Variants in PTK2 observed in about 807,000 individuals in gnomAD.
The protein encoded by PTK2 is focal adhesion kinase 1.
PTK2 carries 45 observed loss-of-function variants against 150.1 expected under a neutral mutation model. The observed-to-expected ratio is 0.30, with a 90% CI of 0.24 to 0.38. The LOEUF (loss-of-function observed/expected upper bound fraction) is 0.38. Among genes scored for constraint, PTK2 ranks in the 10% least tolerant of loss-of-function variants. The pLI is 1.00. For missense variants in PTK2, 919 were observed against 1,307.3 expected (o/e 0.70, Z 4.58); for synonymous variants, 432 against 449.2 (o/e 0.96, Z 0.48).
chr8:140,806,072 T>C (rs983428017), intron 10 of PTK2, among the ~76,000 whole-genome samples: 2 of 152,190 alleles, frequency 1.3e-5, no homozygotes, highest in African/African-American at 4.8e-5. Context: ...ACATGAAGCA[T>C]GGGTAATTCC....
rs372029723 is a variant in PTK2 at position 140,833,358 on chromosome 8, C to T, written c.594-2832G>A. Reference sequence around the variant, plus strand: ...CAAGGTCATGGTAAAAATTCTGCAACGCTGCCTTTAACACATTTTAATTTA... The same window carrying T: ...CAAGGTCATGGTAAAAATTCTGCAATGCTGCCTTTAACACATTTTAATTTA... On this transcript the variant is annotated intron_variant, in intron 7 of 31. Coordinates refer to ENST00000522684, the Ensembl canonical transcript of PTK2. Among the ~76,000 whole-genome samples the T allele has an allele frequency of 3.5e-4, 54 of 152,276 alleles. No individual in the cohort carries two copies. In the South Asian group the frequency reaches 9.3e-3, roughly 26 times the overall value.
At chr8:140,943,052 G>A (rs1275710424) in intron 1 of PTK2, among the ~76,000 whole-genome samples, 2 of 152,062 alleles carry the variant, frequency 1.3e-5, no homozygotes, top group South Asian at 2.1e-4. Context: ...CCTGGAAGCC[G>A]GTGCCATGTT....
chr8:140,738,290 T>G (rs575060803), intron 21 of PTK2, among the ~76,000 whole-genome samples: 1 of 152,298 alleles, frequency 6.6e-6, no homozygotes, highest in South Asian at 2.1e-4. Context: ...GATAAGGTAT[T>G]CTGGGTAGAA....
At chr8:140,854,922 T>C (rs1204478948) in intron 5 of PTK2, among the ~76,000 whole-genome samples, 1 of 152,202 alleles carries the variant, frequency 6.6e-6, no homozygotes, top group Non-Finnish European at 1.5e-5. Context: ...GGGGTGGTGG[T>C]AGAAATAATT....
exon 29 of PTK2, chr8:140,674,308 T>C: frequency 6.2e-7 from 1 of 1,604,824 alleles, no homozygotes; most frequent in South Asian, 1.1e-5. Context: ...CTTGACACCC[T>C]CGTTGTAGCT....
intron 17 of PTK2, 126 bp downstream of exon 20, chr8:140,752,106 G>A (rs1395354976): frequency 1.2e-6 from 1 of 826,332 alleles, no homozygotes; most frequent in Non-Finnish European, 2.0e-6. Context: ...TAATTTGCAA[G>A]GCAAAATAAT....
intron 2 of PTK2, among the ~76,000 whole-genome samples, chr8:140,914,806 C>T (rs773684398): frequency 2.0e-5 from 3 of 151,890 alleles, no homozygotes; most frequent in Non-Finnish European, 2.9e-5. Context: ...GAGGCCGAGG[C>T]GAGTGGATCA....
chr8:140,956,621 G>A (rs1282776406), intron 1 of PTK2, among the ~76,000 whole-genome samples: 2 of 152,168 alleles, frequency 1.3e-5, no homozygotes, highest in African/African-American at 2.4e-5. Flanking sequence ...TAACCTAGGC[G>A]ATAACAGCTC....
intron 2 of PTK2, among the ~76,000 whole-genome samples, chr8:140,918,606 AC>A (rs1242340237): frequency 6.6e-6 from 1 of 152,184 alleles, no homozygotes; most frequent in Admixed American, 6.5e-5. Flanking sequence ...ATTCAACCGC[AC>A]AGTGAGCTTG....
chr8:140,894,486 A>G (rs182342452), intron 2 of PTK2, among the ~76,000 whole-genome samples: 18 of 152,342 alleles, frequency 1.2e-4, no homozygotes, highest in Middle Eastern at 3.4e-3. Context: ...ATGCCCATTC[A>G]TGGGAGACTA....
chr8:140,888,886 A>T (rs1007109321), intron 3 of PTK2, among the ~76,000 whole-genome samples: 22 of 152,226 alleles, frequency 1.4e-4, no homozygotes, highest in African/African-American at 5.3e-4. Flanking sequence ...CATTCACTGT[A>T]TCTGAAATCT....
intron 24 of PTK2, among the ~76,000 whole-genome samples, chr8:140,704,195 T>G (rs977108121): frequency 1.3e-5 from 2 of 152,226 alleles, no homozygotes; most frequent in Admixed American, 1.3e-4. Flanking sequence ...TCTAAGGCAG[T>G]TTTCTACATA....
chr8:140,924,313 G>C (rs1448467387), intron 2 of PTK2, among the ~76,000 whole-genome samples: 1 of 152,118 alleles, frequency 6.6e-6, no homozygotes, highest in African/African-American at 2.4e-5. Flanking sequence ...TGGCCCATCT[G>C]CTCTCCCTGC....
At chr8:140,661,134 C>T (rs978247878) in intron 31 of PTK2, among the ~76,000 whole-genome samples, 2 of 152,316 alleles carry the variant, frequency 1.3e-5, no homozygotes, top group African/African-American at 4.8e-5. Flanking sequence ...AGGCTGGCTT[C>T]AACTGTGAAA....
Position 140,672,030 on chromosome 8 carries a change from A to G in PTK2, c.2709+2268T>C, listed in dbSNP as rs144702469. The stretch of plus-strand genomic sequence containing the variant: ...TTCATACCCTATCCTAATTGTATGT[A>G]TTCATTATGTTATTCCAGCTGTGAA... On this transcript the variant is annotated intron_variant, in intron 29 of 31. Coordinates refer to ENST00000522684, the Ensembl canonical transcript of PTK2. The G allele has an allele frequency of 6.9e-5, 26 of 377,086 alleles. No individual in the cohort carries two copies. The East Asian group carries it at 2.0e-3, about 29-fold the overall frequency. 23.4% of individuals were successfully genotyped at this position (377,086 alleles called of 1,614,324 possible). A position where few individuals can be genotyped will look rare whatever the true frequency, so the allele number is the denominator to read the frequency against.
intron 22 of PTK2, among the ~76,000 whole-genome samples, chr8:140,730,861 T>A (rs1052517616): frequency 1.3e-5 from 2 of 151,714 alleles, no homozygotes; most frequent in Non-Finnish European, 2.9e-5. Context: ...TGAACATACC[T>A]GCAAAAAGGC....
rs993913615 is a variant in PTK2, at chr8:140,730,963, C to CG, written c.2030+4287_2030+4288insC. On this transcript the variant is annotated intron_variant, in intron 22 of 31. Transcript: ENST00000522684. Reference sequence around the variant, plus strand: ...CAGGAATTAAATTAAACCCCCCCCCCCCTTTTTTTTTTGAGACAAAGTCTC... The same window carrying CG: ...CAGGAATTAAATTAAACCCCCCCCCCGCCTTTTTTTTTTGAGACAAAGTCTC... Among the ~76,000 whole-genome samples the CG allele has an allele frequency of 7.4e-4, 106 of 142,432 alleles. 1 individual carries two copies. The highest frequency in any genetic ancestry group is 1.1e-3 in the Non-Finnish European group (74 of 64,732). The allele number at this position is 142,432 out of a possible 152,430, so 93.4% of individuals were successfully genotyped here. A position where few individuals can be genotyped will look rare whatever the true frequency, so the allele number is the denominator to read the frequency against.
chr8:140,766,129 T>C (rs546775638), intron 14 of PTK2, among the ~76,000 whole-genome samples: 1 of 152,308 alleles, frequency 6.6e-6, no homozygotes, highest in South Asian at 2.1e-4. Context: ...CCAGCTGCCC[T>C]GTTATCCAAA....
chr8:140,923,851 C>T (rs1007834560), intron 2 of PTK2, among the ~76,000 whole-genome samples: 3 of 152,168 alleles, frequency 2.0e-5, no homozygotes. Context: ...GGCCTCACCC[C>T]GGCCCAGGCT....
Sources: allele counts gnomAD v4.1 joint callset (sites outside exome capture counted in the v4.1 genomes callset), GRCh38; gene constraint gnomAD v4.1.1; transcripts MANE v1.5; gene names NCBI Gene and HGNC (gene_info 2026-07-23, HGNC 2026-07-21).